Variants in WDPCP observed in about 807,000 individuals in gnomAD.
The protein encoded by WDPCP is WD repeat-containing and planar cell polarity effector protein fritz homolog.
WDPCP carries 71 observed loss-of-function variants against 93.1 expected under a neutral mutation model. The ratio of observed to expected loss-of-function variants is 0.76; its 90% CI spans 0.63 to 0.93. The LOEUF is 0.93. Ranked by LOEUF, WDPCP falls within the 40% of genes least tolerant of loss-of-function variation. The pLI, the probability that WDPCP is intolerant of heterozygous loss-of-function variation, is 0.00. For synonymous variants in WDPCP, 315 were observed against 315.0 expected, an observed-to-expected ratio of 1.00 and a Z score of 0.00; for missense variants, 844 against 887.4, an observed-to-expected ratio of 0.95 and a Z score of 0.62.
chr2:63,151,108 T>A (rs1671858852), intron 17 of WDPCP, among the ~76,000 whole-genome samples: 1 of 152,244 alleles, frequency 6.6e-6, no homozygotes, highest in South Asian at 2.1e-4. Flanking sequence ...CCTTATTCTC[T>A]ATAAAGACCC....
intron 3 of WDPCP, among the ~76,000 whole-genome samples, chr2:63,650,125 G>A (rs567587702): frequency 5.9e-5 from 9 of 152,340 alleles, no homozygotes; most frequent in Non-Finnish European, 8.8e-5. Flanking sequence ...TGGATGTTAC[G>A]TCCAAGACCT....
intron 2 of WDPCP, among the ~76,000 whole-genome samples, chr2:63,705,458 C>T (rs1438313766): frequency 3.3e-5 from 5 of 152,160 alleles, no homozygotes; most frequent in East Asian, 3.8e-4. Flanking sequence ...TCCCTCCTCA[C>T]ACTGCTTTGA....
chr2:63,407,288 T>C (rs1175958788), intron 9 of WDPCP, among the ~76,000 whole-genome samples: 3 of 152,034 alleles, frequency 2.0e-5, no homozygotes, highest in Non-Finnish European at 2.9e-5. Flanking sequence ...AGGAGACTAA[T>C]ATAGCTAGAG....
intron 13 of WDPCP, among the ~76,000 whole-genome samples, chr2:63,287,971 A>G: frequency 6.6e-6 from 1 of 152,234 alleles, no homozygotes; most frequent in Non-Finnish European, 1.5e-5. Context: ...ACTCCTCTAT[A>G]TAAAAACAGT....
intron 2 of WDPCP, among the ~76,000 whole-genome samples, chr2:63,762,086 T>C (rs1292489631): frequency 1.3e-5 from 2 of 152,280 alleles, no homozygotes; most frequent in South Asian, 2.1e-4. Context: ...CAGGACAGGA[T>C]TGAGATACTA....
At position 63,378,447 on chromosome 2, in the gene WDPCP, T is replaced by C. The variant is rs1168632851; in HGVS notation, c.1687A>G (p.Ile563Val). The change falls in exon 12 of 18, where the codon ATA (isoleucine) becomes GTA (valine). Residue 563 changes from isoleucine (I) to valine (V), a missense_variant. Physicochemically the swap from Ile to Val is conservative, Grantham distance 29. Transcript: ENST00000272321. ...APTRPLLDST[I>V]LEYRDQISKY... ...CTGATTTGATCTCTATATTCCAATA[T>C]AGTGGAATCCAGAAGTGGTCTTGTT... is the stretch of plus-strand genomic sequence containing the variant. The C allele has an allele frequency of 7.4e-6, 12 of 1,613,170 alleles. No individual in the cohort carries two copies. The highest frequency in any genetic ancestry group is 1.6e-4 in the Middle Eastern group (1 of 6,074).
intron 2 of WDPCP, among the ~76,000 whole-genome samples, chr2:63,732,363 C>T (rs1669573927): frequency 6.6e-6 from 1 of 152,128 alleles, no homozygotes; most frequent in South Asian, 2.1e-4. Context: ...CTTCAAATTC[C>T]ACCCTGGCCA....
chr2:63,275,927 A>C (rs935760027), intron 13 of WDPCP, among the ~76,000 whole-genome samples: 3 of 128,720 alleles, frequency 2.3e-5, no homozygotes, highest in African/African-American at 3.2e-5. Context: ...GCAAGAACAT[A>C]CCAAGAAAGC....
chr2:63,549,564 C>G (rs1575624482), intron 1 of WDPCP, among the ~76,000 whole-genome samples: 2 of 152,232 alleles, frequency 1.3e-5, no homozygotes, highest in South Asian at 2.1e-4. Flanking sequence ...GTCAGGAGTT[C>G]AAGACCAGCC....
chr2:63,206,213 A>C (rs917571383), intron 14 of WDPCP, among the ~76,000 whole-genome samples: 3 of 152,070 alleles, frequency 2.0e-5, no homozygotes, highest in Admixed American at 2.0e-4. Flanking sequence ...TGTATTGTTC[A>C]ATTTGGTTTG....
intron 6 of WDPCP, among the ~76,000 whole-genome samples, chr2:63,447,136 G>A (rs1697919568): frequency 6.6e-6 from 1 of 152,066 alleles, no homozygotes; most frequent in Non-Finnish European, 1.5e-5. Context: ...AAAAGTTACA[G>A]ACCTACACAA....
intron 2 of WDPCP, among the ~76,000 whole-genome samples, chr2:63,732,047 G>C (rs952464411): frequency 6.6e-6 from 1 of 152,186 alleles, no homozygotes; most frequent in African/African-American, 2.4e-5. Flanking sequence ...TGAGGAAAGA[G>C]GGGAGATAGT....
At chr2:63,285,656 T>C (rs891357205) in intron 13 of WDPCP, among the ~76,000 whole-genome samples, 6 of 152,094 alleles carry the variant, frequency 3.9e-5, no homozygotes, top group South Asian at 2.1e-4. Flanking sequence ...GTAACTATTA[T>C]TGGGGGAAAA....
At chr2:63,226,309 T>C (rs1474322199) in intron 14 of WDPCP, among the ~76,000 whole-genome samples, 1 of 151,884 alleles carries the variant, frequency 6.6e-6, no homozygotes, top group Admixed American at 6.6e-5. Flanking sequence ...TCAATTGCCA[T>C]ATATTTTCCT....
chr2:63,227,649 C>T (rs1678403112), intron 14 of WDPCP, among the ~76,000 whole-genome samples: 1 of 151,906 alleles, frequency 6.6e-6, no homozygotes. Flanking sequence ...TCAAAATCTG[C>T]CACTGACAGT....
chr2:63,833,267 C>T, the WDPCP span, among the ~76,000 whole-genome samples: 35 of 152,054 alleles, frequency 2.3e-4, no homozygotes, highest in African/African-American at 8.5e-4. Context: ...AACAAACAAA[C>T]ACCTCTGTAT....
rs139624009 is a variant in WDPCP at position 63,437,744 on chromosome 2, A to G, written c.500-190T>C. 1,117 of 1,137,970 alleles carry G rather than the reference A, an allele frequency of 9.8e-4. 12 individuals are homozygous for G. The African/African-American group carries it at 0.015, about 16-fold the overall frequency. The allele number at this position is 1,137,970 out of a possible 1,614,324, so 70.5% of individuals were successfully genotyped here. A position where few individuals can be genotyped will look rare whatever the true frequency, so the allele number is the denominator to read the frequency against. On this transcript the variant is annotated intron_variant, in intron 7 of 17. Transcript: ENST00000272321. Reference sequence around the variant, plus strand: ...ATAAACAATAATTGTCAATCTAATCATATGTGATTTTTTTTCCTGTGACTA... The same window carrying G: ...ATAAACAATAATTGTCAATCTAATCGTATGTGATTTTTTTTCCTGTGACTA...
intron 14 of WDPCP, among the ~76,000 whole-genome samples, chr2:63,255,385 T>C (rs1471077537): frequency 2.0e-5 from 3 of 152,180 alleles, no homozygotes; most frequent in East Asian, 1.9e-4. Context: ...AACTCTCATA[T>C]TGAAATGTAA....
chr2:63,677,809 A>G lies in WDPCP; in HGVS notation n.309-26971T>C, dbSNP rs1481798810. Reference sequence around the variant, plus strand: ...GAAATATGAAAGAGTGTTCTCTAGCAAAAGGAAAACAAATCCAGATGAAAC... The same window carrying G: ...GAAATATGAAAGAGTGTTCTCTAGCGAAAGGAAAACAAATCCAGATGAAAC... On this transcript the variant is annotated intron_variant and non_coding_transcript_variant, in intron 2 of 4. Coordinates refer to the WDPCP transcript ENST00000467687. Among the ~76,000 whole-genome samples, 3 of 152,284 alleles carry G rather than the reference A, an allele frequency of 2.0e-5. No individual in the cohort carries two copies. In the East Asian group the frequency reaches 5.8e-4, roughly 29 times the overall value.
Sources: allele counts gnomAD v4.1 joint callset (sites outside exome capture counted in the v4.1 genomes callset), GRCh38; gene constraint gnomAD v4.1.1; transcripts MANE v1.5; gene names NCBI Gene and HGNC (gene_info 2026-07-23, HGNC 2026-07-21).